The following CTNNA1 variants were observed in gnomAD, a reference collection of about 807,000 sequenced individuals.
CTNNA1 encodes catenin alpha-1.
CTNNA1 carries 37 observed loss-of-function variants against 98.4 expected under a neutral mutation model. The ratio of observed to expected loss-of-function variants is 0.38; its 90% confidence interval spans 0.29 to 0.49. The LOEUF (loss-of-function observed/expected upper bound fraction) is 0.49. CTNNA1 is among the 20% of genes least tolerant of loss of function. The pLI, the probability that CTNNA1 is intolerant of heterozygous loss-of-function variation, is 0.95. For missense variants in CTNNA1, 761 were observed against 1,147.2 expected (o/e 0.66, Z 4.86); for synonymous variants, 404 against 413.2 (o/e 0.98, Z 0.27).
rs1580827891 is a variant in CTNNA1, at chr5:138,755,886, A to T, written c.-3+2376A>T. 6.8e-5 allele frequency among the ~76,000 whole-genome samples: 6 copies of T among 88,816 alleles called. No homozygotes were observed. The South Asian group carries it at 1.3e-3, about 19-fold the overall frequency. 58.3% of individuals were successfully genotyped at this position (88,816 alleles called of 152,430 possible). On this transcript the variant is annotated intron_variant, in intron 1 of 17. Coordinates refer to ENST00000302763, the MANE Select transcript of CTNNA1 (RefSeq NM_001903.5). The stretch of plus-strand genomic sequence containing the variant: ...TTTTTTTTTTTTTTTTTTTTGATGG[A>T]GTCTCCCTGTGTTGCCCAGGCTGGG...
chr5:138,845,431 T>C (rs906195557), intron 7 of CTNNA1, among the ~76,000 whole-genome samples: 2 of 152,198 alleles, frequency 1.3e-5, no homozygotes, highest in African/African-American at 2.4e-5. Flanking sequence ...AAAGTTGGAA[T>C]TGGAGCCTGA....
intron 16 of CTNNA1, among the ~76,000 whole-genome samples, chr5:138,931,427 C>T (rs28363493): frequency 1.3e-5 from 2 of 152,324 alleles, no homozygotes; most frequent in East Asian, 1.9e-4. Context: ...TTCTCAGTTA[C>T]AGTTTTTCTC....
intron 7 of CTNNA1, among the ~76,000 whole-genome samples, chr5:138,854,267 T>C (rs1763517883): frequency 6.6e-6 from 1 of 152,222 alleles, no homozygotes; most frequent in Non-Finnish European, 1.5e-5. Flanking sequence ...TGAGTGGTTC[T>C]TTTTCTAATC....
At chr5:138,820,880 A>G (rs1759972398) in intron 5 of CTNNA1, among the ~76,000 whole-genome samples, 1 of 152,174 alleles carries the variant, frequency 6.6e-6, no homozygotes, top group African/African-American at 2.4e-5. Context: ...TATTAATTGT[A>G]ATAGAGGTTA....
intron 7 of CTNNA1, among the ~76,000 whole-genome samples, chr5:138,860,035 T>TTG (rs942782957): frequency 2.6e-5 from 4 of 151,928 alleles, no homozygotes; most frequent in African/African-American, 7.3e-5. Context: ...TGTTTAAAGA[T>TTG]TGTGTGTGTG....
At chr5:138,764,868 CTTTTT>C (rs35354499) in intron 1 of CTNNA1, among the ~76,000 whole-genome samples, 6 of 84,940 alleles carry the variant, frequency 7.1e-5, no homozygotes, top group East Asian at 4.1e-4. Context: ...GTATCTCTCT[CTTTTT>C]TTTTTTTTTT....
chr5:138,933,133 AAACAAAACGAAAC>A, intron 17 of CTNNA1, among the ~76,000 whole-genome samples: 1 of 150,864 alleles, frequency 6.6e-6, no homozygotes, highest in East Asian at 1.9e-4. Flanking sequence ...GACTGTCTCA[AAACAAAACGAAAC>A]AACAAAACAA....
chr5:138,883,663 C>T (rs1753429555), intron 7 of CTNNA1, among the ~76,000 whole-genome samples: 1 of 152,174 alleles, frequency 6.6e-6, no homozygotes, highest in Non-Finnish European at 1.5e-5. Flanking sequence ...TCTACATGCT[C>T]AACCTTTGGG....
chr5:138,910,226 CTTTTTTTTTTTTTT>C (rs70982740), intron 10 of CTNNA1, among the ~76,000 whole-genome samples: 35 of 53,230 alleles, frequency 6.6e-4, no homozygotes, highest in Admixed American at 1.8e-3. Context: ...TCCTACTTTT[CTTTTTTTTTTTTTT>C]TTTTTTTTTT....
chr5:138,924,313 A>G (rs749494212), intron 11 of CTNNA1, among the ~76,000 whole-genome samples, 197 bp from the exon 12 acceptor site: 4 of 147,960 alleles, frequency 2.7e-5, no homozygotes, highest in Non-Finnish European at 5.9e-5. Flanking sequence ...TGGAATGAAG[A>G]TTGTTATTCT....
chr5:138,755,126 G>A (rs1751483938), intron 1 of CTNNA1: 3 of 151,958 alleles, frequency 2.0e-5, no homozygotes, highest in African/African-American at 4.9e-5. Flanking sequence ...TGTAATAGGG[G>A]AGACACACAC....
intron 10 of CTNNA1, 64 bp from the exon 11 acceptor site, chr5:138,917,678 T>C: frequency 6.5e-7 from 1 of 1,544,460 alleles, no homozygotes; most frequent in Non-Finnish European, 8.8e-7. Context: ...CCTAGTGAAA[T>C]GCATGTAAGA....
intron 5 of CTNNA1, among the ~76,000 whole-genome samples, chr5:138,816,881 T>A (rs1380919509): frequency 1.3e-5 from 2 of 152,164 alleles, no homozygotes; most frequent in African/African-American, 4.8e-5. Flanking sequence ...GTATTTTTAG[T>A]AGAGTCAGGT....
intron 1 of CTNNA1, among the ~76,000 whole-genome samples, chr5:138,772,473 T>G (rs1753654829): frequency 6.6e-6 from 1 of 152,244 alleles, no homozygotes; most frequent in African/African-American, 2.4e-5. Context: ...TTAGTTACTC[T>G]GAACAATACC....
At chr5:138,841,929 C>A (rs769126341) in intron 7 of CTNNA1, among the ~76,000 whole-genome samples, 3 of 152,184 alleles carry the variant, frequency 2.0e-5, no homozygotes, top group African/African-American at 2.4e-5. Flanking sequence ...GCCTGAATTA[C>A]TTCTCCTTGC....
At chr5:138,857,502 A>C (rs1282203095) in intron 7 of CTNNA1, among the ~76,000 whole-genome samples, 1 of 152,098 alleles carries the variant, frequency 6.6e-6, no homozygotes, top group Non-Finnish European at 1.5e-5. Context: ...TTTTAAATAG[A>C]GATGGGGTCT....
At chr5:138,841,835 A>G (rs1481301114) in intron 7 of CTNNA1, among the ~76,000 whole-genome samples, 1 of 152,194 alleles carries the variant, frequency 6.6e-6, no homozygotes, top group Non-Finnish European at 1.5e-5. Context: ...ATAATAATCT[A>G]CCAAGTTGAA....
intron 3 of CTNNA1, among the ~76,000 whole-genome samples, chr5:138,798,344 G>A (rs1757185343): frequency 6.6e-6 from 1 of 152,202 alleles, no homozygotes; most frequent in Admixed American, 6.5e-5. Context: ...ATCGAAGCTG[G>A]ATTTAGACCC....
intron 7 of CTNNA1, among the ~76,000 whole-genome samples, chr5:138,855,050 T>C (rs1036081564): frequency 1.3e-5 from 2 of 152,252 alleles, no homozygotes; most frequent in African/African-American, 4.8e-5. Context: ...TTGTTTGTTT[T>C]TGTTTTGAGA....
Sources: gnomAD v4.1 joint callset for allele counts (sites outside exome capture counted in the v4.1 genomes callset) on GRCh38, gnomAD v4.1.1 for gene constraint, MANE v1.5 for transcripts, NCBI Gene and HGNC (gene_info 2026-07-23, HGNC 2026-07-21) for gene names.